CAMTA1: variants seen among roughly 807,000 people sequenced by gnomAD.
CAMTA1 encodes calmodulin binding transcription activator 1.
Under a neutral mutation model 170.9 loss-of-function variants are expected in CAMTA1, and 27 were observed. The observed-to-expected ratio is 0.16, with a 90% CI of 0.12 to 0.22. The LOEUF is 0.22. Ranked by LOEUF, CAMTA1 falls within the 10% of genes least tolerant of loss-of-function variation. The probability of loss-of-function intolerance (pLI) is 1.00; values close to 1 mark genes in which losing one functional copy is unlikely to be tolerated. For synonymous variants in CAMTA1, 833 were observed against 891.5 expected (o/e 0.93, Z 1.17); for missense variants, 1,619 against 2,217.2 (o/e 0.73, Z 5.42).
chr1:7,179,638 A>G (rs769703197), intron 4 of CAMTA1, among the ~76,000 whole-genome samples: 1 of 152,230 alleles, frequency 6.6e-6, no homozygotes, highest in African/African-American at 2.4e-5. Flanking sequence ...AAAACAACCT[A>G]TTAACTCTTG....
intron 3 of CAMTA1, among the ~76,000 whole-genome samples, chr1:7,009,643 C>T (rs775380728): frequency 7.9e-5 from 12 of 152,220 alleles, no homozygotes; most frequent in East Asian, 3.8e-4. Flanking sequence ...CCAGGAAGCT[C>T]GGGGGCGAGT....
intron 3 of CAMTA1, chr1:6,886,222 C>T (rs979309331): frequency 2.2e-6 from 1 of 455,750 alleles, no homozygotes; most frequent in Non-Finnish European, 4.4e-6. Flanking sequence ...AGAATAAATA[C>T]TGTTTTTGTT....
intron 3 of CAMTA1, among the ~76,000 whole-genome samples, chr1:7,083,609 C>A: frequency 6.6e-6 from 1 of 152,172 alleles, no homozygotes; most frequent in East Asian, 1.9e-4. Context: ...CACAGGTGCC[C>A]TGGAGAAAGC....
At chr1:6,980,667 G>A (rs751081175) in intron 3 of CAMTA1, among the ~76,000 whole-genome samples, 1 of 152,096 alleles carries the variant, frequency 6.6e-6, no homozygotes, top group Non-Finnish European at 1.5e-5. Context: ...TCATGATAGT[G>A]ACTAAGTCTC....
intron 4 of CAMTA1, among the ~76,000 whole-genome samples, chr1:7,244,642 C>CA (rs1166100480): frequency 1.3e-5 from 2 of 150,394 alleles, no homozygotes; most frequent in African/African-American, 2.5e-5. Context: ...ATCGCAAGGA[C>CA]AAAAAACCAA....
rs186834502 is a variant in CAMTA1, at chr1:6,997,667, T to C, written c.235-93637T>C. The stretch of plus-strand genomic sequence containing the variant: ...ATTTCCTTTCTTTTCTTTCTTTTTT[T>C]TTTTTTTTTTGAGACAGAGTTTCGC... On this transcript the variant is annotated intron_variant, in intron 3 of 22. Coordinates refer to ENST00000303635, the MANE Select transcript of CAMTA1 (RefSeq NM_015215.4). Among the ~76,000 whole-genome samples, 34 of 149,034 alleles carry C rather than the reference T, an allele frequency of 2.3e-4. No individual in the cohort carries two copies. The East Asian group carries it at 6.2e-3, about 27-fold the overall frequency.
At chr1:7,158,234 A>C (rs1356408181) in intron 4 of CAMTA1, among the ~76,000 whole-genome samples, 1 of 152,218 alleles carries the variant, frequency 6.6e-6, no homozygotes, top group Non-Finnish European at 1.5e-5. Flanking sequence ...ATGCAGAGTA[A>C]AAGAAGCCAG....
intron 16 of CAMTA1, 77 bp from the exon 17 acceptor site, chr1:7,744,752 TCCAAGG>T: frequency 8.1e-7 from 1 of 1,230,426 alleles, no homozygotes; most frequent in South Asian, 1.5e-5. Flanking sequence ...TTTTTTTCTC[TCCAAGG>T]CGAGGCAGGG....
At chr1:7,229,990 G>A (rs1030620138) in intron 4 of CAMTA1, among the ~76,000 whole-genome samples, 4 of 152,092 alleles carry the variant, frequency 2.6e-5, no homozygotes, top group African/African-American at 9.7e-5. Context: ...ATGACCTGAA[G>A]GCCCTGGTGA....
At chr1:7,572,762 T>C (rs1168095390) in intron 6 of CAMTA1, among the ~76,000 whole-genome samples, 1 of 152,166 alleles carries the variant, frequency 6.6e-6, no homozygotes, top group Non-Finnish European at 1.5e-5. Context: ...CATAGGAATT[T>C]GGGGGAAGAC....
At chr1:7,255,749 C>T (rs1044341578) in intron 5 of CAMTA1, among the ~76,000 whole-genome samples, 2 of 152,238 alleles carry the variant, frequency 1.3e-5, no homozygotes, top group East Asian at 1.9e-4. Flanking sequence ...CTACCCCACA[C>T]GACCTTGCTC....
intron 4 of CAMTA1, among the ~76,000 whole-genome samples, chr1:7,142,650 T>A (rs541161617): frequency 6.6e-6 from 1 of 152,288 alleles, no homozygotes; most frequent in Non-Finnish European, 1.5e-5. Context: ...AGCTGGTTGT[T>A]TAAAAGAGCC....
At position 7,314,302 on chromosome 1, in the gene CAMTA1, G is replaced by A. The variant is rs1390135033; in HGVS notation, c.438+64676G>A. On this transcript the variant is annotated intron_variant, in intron 5 of 22. Transcript: ENST00000303635. ...GCTCTGCAGAGGACAGCAGTTCTGG[G>A]TGAGCACACCCTGTATTATCTGGGT... is the stretch of plus-strand genomic sequence containing the variant. Among the ~76,000 whole-genome samples, 3 of 152,152 alleles carry A rather than the reference G, an allele frequency of 2.0e-5. No individual in the cohort carries two copies. The South Asian group carries it at 6.2e-4, about 32-fold the overall frequency.
At chr1:7,086,441 A>G (rs949009978) in intron 3 of CAMTA1, among the ~76,000 whole-genome samples, 1 of 152,014 alleles carries the variant, frequency 6.6e-6, no homozygotes, top group South Asian at 2.1e-4. Flanking sequence ...TATTGTGGTA[A>G]AAGACACATA....
chr1:7,107,801 C>T (rs1038888934), intron 4 of CAMTA1, among the ~76,000 whole-genome samples: 4 of 152,278 alleles, frequency 2.6e-5, no homozygotes, highest in South Asian at 4.1e-4. Context: ...AGGGCCTTTC[C>T]AAGCAGGGAC....
chr1:6,935,186 C>T (rs1352824267), intron 3 of CAMTA1, among the ~76,000 whole-genome samples: 3 of 152,030 alleles, frequency 2.0e-5, no homozygotes, highest in African/African-American at 4.8e-5. Flanking sequence ...AAATACAACC[C>T]GAGGCATATA....
intron 6 of CAMTA1, among the ~76,000 whole-genome samples, chr1:7,571,360 G>A (rs35764813): frequency 0.034 from 5,242 of 152,232 alleles, 117 homozygotes; most frequent in Non-Finnish European, 0.055. Flanking sequence ...TTAGGTTCGG[G>A]GTACCTGTGC....
chr1:6,960,947 T>G (rs1164090240), intron 3 of CAMTA1, among the ~76,000 whole-genome samples: 2 of 152,234 alleles, frequency 1.3e-5, no homozygotes, highest in African/African-American at 4.8e-5. Context: ...GTGAGGACAC[T>G]GAGGCTCAGA....
At chr1:7,310,736 TTCTTTC>T (rs1676587890) in intron 5 of CAMTA1, among the ~76,000 whole-genome samples, 4 of 97,532 alleles carry the variant, frequency 4.1e-5, no homozygotes, top group East Asian at 2.8e-4. Context: ...CTTTCTTTCT[TTCTTTC>T]TTTTTTTTAA....
Sources: gnomAD v4.1 joint callset for allele counts (sites outside exome capture counted in the v4.1 genomes callset) on GRCh38, gnomAD v4.1.1 for gene constraint, MANE v1.5 for transcripts, NCBI Gene and HGNC (gene_info 2026-07-23, HGNC 2026-07-21) for gene names.